KRT80: variants seen among roughly 807,000 people sequenced by gnomAD.
KRT80 encodes keratin 80.
In KRT80, 36 loss-of-function variants were observed where a neutral mutation model predicts 51.5. The ratio of observed to expected loss-of-function variants is 0.70; its 90% CI spans 0.54 to 0.92. The LOEUF (loss-of-function observed/expected upper bound fraction) is 0.92. Ranked by LOEUF, KRT80 falls within the 40% of genes least tolerant of loss-of-function variation. The pLI is 0.00. For synonymous variants in KRT80, 235 were observed against 248.3 expected (o/e 0.95, Z 0.50); for missense variants, 566 against 591.7 (o/e 0.96, Z 0.45).
At chr12:52,181,589 C>G (rs1280852755) in intron 2 of KRT80, among the ~76,000 whole-genome samples, 2 of 152,214 alleles carry the variant, frequency 1.3e-5, no homozygotes, top group Admixed American at 6.5e-5. Context: ...CCCACGTGTA[C>G]AGGGGGCTGA....
intron 2 of KRT80, 77 bp from the exon 3 acceptor site, chr12:52,181,040 A>G: frequency 8.4e-7 from 1 of 1,185,482 alleles, no homozygotes; most frequent in Non-Finnish European, 1.2e-6. Flanking sequence ...GTTGGGGCTC[A>G]GGGCCTGTGC....
intron 1 of KRT80, 181 bp from the exon 2 acceptor site, chr12:52,185,768 T>A (rs138903091): frequency 7.1e-5 from 95 of 1,334,428 alleles, no homozygotes; most frequent in Non-Finnish European, 9.2e-5. Context: ...AAACTGAAGA[T>A]GGTGAGATAA....
At chr12:52,180,378 T>C (rs934968419) in intron 4 of KRT80, 135 bp downstream of exon 4, 1 of 546,904 alleles carries the variant, frequency 1.8e-6, no homozygotes, top group Non-Finnish European at 3.1e-6. Flanking sequence ...TAGGAAATTA[T>C]TATTCTGGGG....
chr12:52,176,732 C>T (rs184753671), intron 4 of KRT80, among the ~76,000 whole-genome samples: 11 of 152,346 alleles, frequency 7.2e-5, no homozygotes, highest in Admixed American at 4.6e-4. Flanking sequence ...CCGCCCGCTT[C>T]GGCCTCCCAA....
chr12:52,174,173 C>T (rs1471950796), intron 4 of KRT80, among the ~76,000 whole-genome samples: 1 of 152,254 alleles, frequency 6.6e-6, no homozygotes, highest in Non-Finnish European at 1.5e-5. Flanking sequence ...TATTCCTGTG[C>T]TGTGGGGTAC....
rs1023147731 is a variant in KRT80, at chr12:52,192,002, C to T, written c.-100G>A. On this transcript the variant is annotated 5_prime_UTR_variant, in exon 1 of 9. Coordinates refer to ENST00000394815, the MANE Select transcript of KRT80 (RefSeq NM_182507.3). ...CTGGTTGCTCTGGTCACAGCTGGGGCGGGCTGGGGACTGAGGAGCAGACAC... is the reference window on the plus strand; with the variant it reads ...CTGGTTGCTCTGGTCACAGCTGGGGTGGGCTGGGGACTGAGGAGCAGACAC... The T allele has an allele frequency of 1.4e-4, 158 of 1,144,704 alleles. No homozygotes were observed. The highest frequency in any genetic ancestry group is 1.7e-4 in the Non-Finnish European group (145 of 841,604). The allele number at this position is 1,144,704 out of a possible 1,614,324, so 70.9% of individuals were successfully genotyped here.
chr12:52,180,336 C>T (rs1565695460), intron 4 of KRT80, among the ~76,000 whole-genome samples, 177 bp downstream of exon 4: 1 of 152,192 alleles, frequency 6.6e-6, no homozygotes, highest in Non-Finnish European at 1.5e-5. Context: ...AGGGGTCATG[C>T]AGGGTTATTG....
intron 2 of KRT80, 139 bp from the exon 3 acceptor site, chr12:52,181,102 C>G (rs911353941): frequency 1.8e-6 from 1 of 570,880 alleles, no homozygotes; most frequent in African/African-American, 1.9e-5. Context: ...CCATCCTTCT[C>G]CCTCTTGCAT....
Position 52,173,120 on chromosome 12 carries a change from A to C in KRT80, c.875T>G (p.Leu292Arg). Residue 292 changes from leucine (L) to arginine (R), a missense_variant, in exon 6 of 9, where the codon CTC (leucine) becomes CGC (arginine). Leu to Arg is a moderately radical substitution (Grantham distance 102). Transcript: ENST00000394815. ...CGCGATCTCGCTGCGGCTGCTCTGGAGGCTGCTCCCATACTCGGCCGAGCG... is the reference window on the plus strand; with the variant it reads ...CGCGATCTCGCTGCGGCTGCTCTGGCGGCTGCTCCCATACTCGGCCGAGCG... ...AARSAEYGSS[L>R]QSSRSEIADL... 1 of 1,613,272 alleles carries C rather than the reference A, an allele frequency of 6.2e-7. No homozygotes were observed. The highest frequency in any genetic ancestry group is 8.5e-7 in the Non-Finnish European group (1 of 1,179,638).
intron 4 of KRT80, 79 bp from the exon 5 acceptor site, chr12:52,173,843 C>A: frequency 6.9e-7 from 1 of 1,447,998 alleles, no homozygotes; most frequent in Admixed American, 1.8e-5. Flanking sequence ...TCACTTTGTC[C>A]CCGGGGTGAG....
chr12:52,186,809 G>A (rs1941414458), intron 1 of KRT80, among the ~76,000 whole-genome samples: 1 of 152,016 alleles, frequency 6.6e-6, no homozygotes, highest in Non-Finnish European at 1.5e-5. Context: ...CTCTTGCTGG[G>A]AGGGTCCTGC....
At chr12:52,176,881 C>T (rs919827437) in intron 4 of KRT80, among the ~76,000 whole-genome samples, 1 of 152,202 alleles carries the variant, frequency 6.6e-6, no homozygotes, top group Non-Finnish European at 1.5e-5. Context: ...GAGCTGAAAA[C>T]AGATAATGTT....
chr12:52,180,443 T>C (rs934175756), intron 4 of KRT80, 70 bp downstream of exon 4: 7 of 1,064,470 alleles, frequency 6.6e-6, no homozygotes, highest in Admixed American at 2.8e-5. Context: ...TGGCTGTGCT[T>C]CCCCTGTGTC....
At chr12:52,181,985 C>T (rs898462492) in intron 2 of KRT80, among the ~76,000 whole-genome samples, 5 of 152,246 alleles carry the variant, frequency 3.3e-5, no homozygotes, top group African/African-American at 1.2e-4. Flanking sequence ...ACTCATCACC[C>T]ATTGAGCTGG....
At chr12:52,190,170 G>A (rs1413288601) in intron 1 of KRT80, among the ~76,000 whole-genome samples, 1 of 152,190 alleles carries the variant, frequency 6.6e-6, no homozygotes, top group African/African-American at 2.4e-5. Flanking sequence ...GGGTACCCCA[G>A]GTGTGGATGA....
At chr12:52,175,994 G>A (rs1193116038) in intron 4 of KRT80, among the ~76,000 whole-genome samples, 3 of 152,164 alleles carry the variant, frequency 2.0e-5, no homozygotes, top group South Asian at 4.1e-4. Flanking sequence ...CCTCCAGTGT[G>A]CTTCTACAGG....
In KRT80 at chr12:52,180,594, C is replaced by A. The variant is rs1225266178; in HGVS notation, c.585G>T (p.Glu195Asp). 5.3e-6 allele frequency: 8 copies of A among 1,508,032 alleles called. No individual in the cohort carries two copies. The highest frequency in any genetic ancestry group is 7.1e-6 in the Non-Finnish European group (8 of 1,129,570). 93.4% of individuals were successfully genotyped at this position (1,508,032 alleles called of 1,614,324 possible). A position where few individuals can be genotyped will look rare whatever the true frequency, so the allele number is the denominator to read the frequency against. Reference sequence around the variant, plus strand: ...TTTCCAGTTCAGTCCGATGAAGACACTCTGCATCCAGGTCCTGGGGTTGGC... The same window carrying A: ...TTTCCAGTTCAGTCCGATGAAGACAATCTGCATCCAGGTCCTGGGGTTGGC... Reference protein sequence around the residue: ...FVQLKKDLDAECLHRTELETK... With the variant: ...FVQLKKDLDADCLHRTELETK... Residue 195 changes from glutamate (E) to aspartate (D), a missense_variant, in exon 4 of 9, where the codon GAG becomes GAT. Transcript: ENST00000394815.
In KRT80 at chr12:52,173,613, T is replaced by C. The variant is rs1444971721; in HGVS notation, c.818A>G (p.Tyr273Cys). The stretch of plus-strand genomic sequence containing the variant: ...GGTCAGCCCCACCTGGCTCCGAGAG[T>C]ATGCCTCGGCCTCCTCCAGGCTGCG... The part of the protein sequence containing the change: ...AARSLEEAEA[Y>C]SRSQLEEQAA... Residue 273 changes from tyrosine (Y) to cysteine (C), a missense_variant, in exon 5 of 9, where the codon TAC (tyrosine) becomes TGC (cysteine). Physicochemically the swap from Tyr to Cys is radical, Grantham distance 194. Transcript: ENST00000394815. The C allele has an allele frequency of 1.2e-6, 2 of 1,612,496 alleles. No individual in the cohort carries two copies. Among genetic ancestry groups the C allele is most frequent in the East Asian group, 4.5e-5 (2 of 44,868 alleles).
rs747504116 is a variant in KRT80 at position 52,171,446 on chromosome 12, G to A, written c.1311C>T (p.Thr437=). Residue 437 remains threonine, a synonymous_variant, in exon 9 of 9, where the codon ACC becomes ACT. Transcript: ENST00000394815. ...KGSKGPVIKI[T]EMSEKYFSQE... Reference sequence around the variant, plus strand: ...GCGAGAAGTACTTCTCTGACATTTCGGTGATTTTGATCACGGGGCCTTTGC... The same window carrying A: ...GCGAGAAGTACTTCTCTGACATTTCAGTGATTTTGATCACGGGGCCTTTGC... 14 of 1,612,450 alleles carry A rather than the reference G, an allele frequency of 8.7e-6. No homozygotes were observed. Among genetic ancestry groups the A allele is most frequent in the East Asian group, 2.2e-5 (1 of 44,798 alleles).
Sources: gnomAD v4.1 joint callset for allele counts (sites outside exome capture counted in the v4.1 genomes callset) on GRCh38, gnomAD v4.1.1 for gene constraint, MANE v1.5 for transcripts, NCBI Gene and HGNC (gene_info 2026-07-23, HGNC 2026-07-21) for gene names.